The following LUZP2 variants were observed in gnomAD, a reference collection of about 807,000 sequenced individuals.
LUZP2 encodes leucine zipper protein 2.
LUZP2 carries 52 observed loss-of-function variants against 51.6 expected under a neutral mutation model. The ratio of observed to expected loss-of-function variants is 1.01; its 90% confidence interval spans 0.81 to 1.27. The LOEUF is 1.27. Among genes scored for constraint, LUZP2 ranks in the 50% most tolerant of loss-of-function variants. LUZP2 has a pLI of 0.00. For synonymous variants in LUZP2, 154 were observed against 137.3 expected (o/e 1.12, Z -0.85); for missense variants, 436 against 395.4 (o/e 1.10, Z -0.87).
At chr11:24,899,426 A>T (rs74437114) in intron 5 of LUZP2, among the ~76,000 whole-genome samples, 10,422 of 152,090 alleles carry the variant, frequency 0.069, 467 homozygotes, top group Middle Eastern at 0.12. Flanking sequence ...GGTAAAAAAA[A>T]AACTGTGAGG....
intron 5 of LUZP2, among the ~76,000 whole-genome samples, chr11:24,830,769 C>T (rs983191344): frequency 4.0e-5 from 6 of 151,672 alleles, no homozygotes; most frequent in African/African-American, 4.8e-5. Flanking sequence ...CCGAGGCGGG[C>T]GGATCATGAG....
chr11:24,702,139 T>C (rs947671564), intron 1 of LUZP2, among the ~76,000 whole-genome samples: 2 of 152,208 alleles, frequency 1.3e-5, no homozygotes, highest in African/African-American at 4.8e-5. Context: ...AATTGTGAAT[T>C]GTTGGTAGTT....
Position 25,080,087 on chromosome 11 carries a change from A to G in LUZP2, c.*1429A>G, listed in dbSNP as rs745887356. 6.6e-6 allele frequency: 1 copy of G among 152,228 alleles called. No homozygotes were observed. Among genetic ancestry groups the G allele is most frequent in the Non-Finnish European group, 1.5e-5 (1 of 68,028 alleles). 9.4% of individuals were successfully genotyped at this position (152,228 alleles called of 1,614,324 possible). On this transcript the variant is annotated 3_prime_UTR_variant, in exon 12 of 12. Coordinates refer to ENST00000336930, the MANE Select transcript of LUZP2 (RefSeq NM_001009909.4). ...TATGTAGCACTTCTATTTTCAGAAT[A>G]GTTCAGTGTCATTCATTAGCACAGG...
intron 1 of LUZP2, among the ~76,000 whole-genome samples, chr11:24,666,003 G>A (rs1457332344): frequency 6.6e-6 from 1 of 152,090 alleles, no homozygotes; most frequent in Non-Finnish European, 1.5e-5. Context: ...ATCTCTGAGT[G>A]TAATTTTACT....
intron 5 of LUZP2, among the ~76,000 whole-genome samples, chr11:24,820,058 C>G (rs957716925): frequency 7.2e-5 from 11 of 151,904 alleles, no homozygotes; most frequent in African/African-American, 2.4e-4. Flanking sequence ...GCGATATACA[C>G]AAGAAAAATA....
intron 10 of LUZP2, among the ~76,000 whole-genome samples, chr11:25,073,117 C>T (rs912127502): frequency 3.9e-5 from 6 of 152,070 alleles, no homozygotes; most frequent in Non-Finnish European, 7.4e-5. Flanking sequence ...AGAGGCAGAA[C>T]AATTAATTAA....
intron 4 of LUZP2, among the ~76,000 whole-genome samples, chr11:24,760,040 G>A (rs1489226508): frequency 6.6e-6 from 1 of 152,124 alleles, no homozygotes; most frequent in Non-Finnish European, 1.5e-5. Flanking sequence ...ACTTGAAGTG[G>A]TGGGGAGCCA....
At chr11:24,506,829 ATTATTCTAAGAATGGCT>A (rs1426090100) in intron 1 of LUZP2, among the ~76,000 whole-genome samples, 1 of 152,096 alleles carries the variant, frequency 6.6e-6, no homozygotes, top group Non-Finnish European at 1.5e-5. Context: ...ACCCTAGGTC[ATTATTCTAAGAATGGCT>A]TTATGAATGA....
At chr11:24,930,603 G>A (rs1223360620) in intron 7 of LUZP2, among the ~76,000 whole-genome samples, 2 of 152,134 alleles carry the variant, frequency 1.3e-5, no homozygotes, top group East Asian at 1.9e-4. Flanking sequence ...TTGTTAATCT[G>A]ATAGGTTTTC....
At chr11:24,574,310 TTCCCTCCC>T (rs149732465) in intron 1 of LUZP2, among the ~76,000 whole-genome samples, 31 of 77,884 alleles carry the variant, frequency 4.0e-4, no homozygotes, top group Middle Eastern at 5.8e-3. Context: ...TCTTTTTCTT[TTCCCTCCC>T]TCCCTCCCTC....
rs117710674 is a variant in LUZP2 at position 25,013,713 on chromosome 11, A to G, written c.765+30420A>G. ...CAATGATATAATTTTTAATTTCAAC[A>G]TTTAAAAAATTACATTAACTGTATT... On this transcript the variant is annotated intron_variant, in intron 9 of 11. Transcript: ENST00000336930. Among the ~76,000 whole-genome samples, 1,395 of 152,182 alleles carry G rather than the reference A, an allele frequency of 9.2e-3. 17 individuals are homozygous for G. The highest frequency in any genetic ancestry group is 0.015 in the Non-Finnish European group (1,049 of 68,002).
intron 9 of LUZP2, among the ~76,000 whole-genome samples, chr11:25,019,388 T>C (rs1162209739): frequency 6.6e-6 from 1 of 152,172 alleles, no homozygotes; most frequent in Non-Finnish European, 1.5e-5. Flanking sequence ...TTGTGAATGA[T>C]ATAATGCATT....
chr11:24,705,181 CCTACAA>C (rs1857538877), intron 1 of LUZP2, among the ~76,000 whole-genome samples: 1 of 151,900 alleles, frequency 6.6e-6, no homozygotes, highest in Admixed American at 6.6e-5. Flanking sequence ...AACCTGTCTT[CCTACAA>C]CTACATTTGT....
At chr11:24,699,684 C>T (rs199807429) in intron 1 of LUZP2, among the ~76,000 whole-genome samples, 25,951 of 149,330 alleles carry the variant, frequency 0.17, 2,355 homozygotes, top group East Asian at 0.32. Flanking sequence ...CACATATATA[C>T]ACAGACACAC....
At chr11:24,517,737 T>A (rs996658337) in intron 1 of LUZP2, among the ~76,000 whole-genome samples, 2 of 152,032 alleles carry the variant, frequency 1.3e-5, no homozygotes, top group Non-Finnish European at 2.9e-5. Flanking sequence ...AAGTGTTAAA[T>A]GAGAGTTTAA....
At chr11:24,584,747 A>C (rs569673847) in intron 1 of LUZP2, among the ~76,000 whole-genome samples, 1 of 152,316 alleles carries the variant, frequency 6.6e-6, no homozygotes, top group Non-Finnish European at 1.5e-5. Context: ...ACAAAAGTGA[A>C]AATGGCTTTA....
intron 1 of LUZP2, among the ~76,000 whole-genome samples, chr11:24,530,850 T>A (rs568800970): frequency 1.4e-5 from 2 of 146,868 alleles, no homozygotes; most frequent in Non-Finnish European, 1.5e-5. Flanking sequence ...AATGGCTGGC[T>A]TCTCTTGTTT....
chr11:24,967,673 A>G (rs1254413352), intron 7 of LUZP2, among the ~76,000 whole-genome samples: 1 of 151,722 alleles, frequency 6.6e-6, no homozygotes, highest in Non-Finnish European at 1.5e-5. Flanking sequence ...TTTAATGTGC[A>G]TCCAATTTCA....
At chr11:24,714,755 G>A (rs184015672) in intron 1 of LUZP2, among the ~76,000 whole-genome samples, 1 of 152,236 alleles carries the variant, frequency 6.6e-6, no homozygotes, top group East Asian at 1.9e-4. Context: ...AGAAAAACAT[G>A]CAACCTAAGG....
Sources: allele counts gnomAD v4.1 joint callset (sites outside exome capture counted in the v4.1 genomes callset), GRCh38; gene constraint gnomAD v4.1.1; transcripts MANE v1.5; gene names NCBI Gene and HGNC (gene_info 2026-07-23, HGNC 2026-07-21).